The following DAG1 variants were observed in gnomAD, a reference collection of about 807,000 sequenced individuals.
DAG1 encodes the protein dystroglycan 1, also known as dystroglycan 1 (dystrophin-associated glycoprotein 1).
A neutral mutation model predicts 46.1 loss-of-function variants in DAG1; 8 were observed. The observed-to-expected ratio is 0.17, with a 90% confidence interval of 0.10 to 0.31. The LOEUF is 0.31. Ranked by LOEUF, DAG1 falls within the 10% of genes least tolerant of loss-of-function variation. DAG1 has a pLI of 1.00. For missense variants in DAG1, 1,003 were observed against 1,189.9 expected (o/e 0.84, Z 2.31); for synonymous variants, 495 against 481.8 (o/e 1.03, Z -0.36).
At chr3:49,506,528 A>T (rs534966771) in intron 1 of DAG1, among the ~76,000 whole-genome samples, 1 of 152,182 alleles carries the variant, frequency 6.6e-6, no homozygotes, top group South Asian at 2.1e-4. Flanking sequence ...ATTTTGTCAG[A>T]CACTTTCTCT....
rs1404811188 is a variant in DAG1 at position 49,531,481 on chromosome 3, A to G, written c.970A>G (p.Ile324Val). The G allele has an allele frequency of 1.9e-6, 3 of 1,613,710 alleles. No individual in the cohort carries two copies. Among genetic ancestry groups the G allele is most frequent in the Non-Finnish European group, 2.5e-6 (3 of 1,179,832 alleles). Residue 324 changes from isoleucine (I) to valine (V), a missense_variant, in exon 3 of 3, where the codon ATT becomes GTT. Ile to Val is a conservative substitution (Grantham distance 29). This residue lies in a region of DAG1 where 755 missense variants were observed against 854.1 expected (regional missense o/e 0.88). Transcript: ENST00000308775. The surrounding 1 kb of genome is among the most constrained non-coding windows in gnomAD (Gnocchi z 7.0). ...TGCTACACCCACACCTGTCACTGCC[A>G]TTGGGCCCCCAACCACGGCTATCCA... ...IHATPTPVTA[I>V]GPPTTAIQEP...
At chr3:49,475,974 C>T (rs2049673323) in intron 1 of DAG1, among the ~76,000 whole-genome samples, 2 of 151,960 alleles carry the variant, frequency 1.3e-5, no homozygotes, top group Non-Finnish European at 2.9e-5. Flanking sequence ...CTTGGCCTCC[C>T]AAGGTGCTGG....
intron 1 of DAG1, among the ~76,000 whole-genome samples, chr3:49,502,083 G>A (rs549895360): frequency 6.8e-4 from 104 of 152,268 alleles, no homozygotes; most frequent in Admixed American, 2.4e-3. Flanking sequence ...CTGATAGGAG[G>A]TTTTCTTGAG....
At chr3:49,527,456 A>AGCTTGCAGTGAGCCGGG (rs1471522181) in intron 2 of DAG1, among the ~76,000 whole-genome samples, 1 of 150,212 alleles carries the variant, frequency 6.7e-6, no homozygotes, top group Non-Finnish European at 1.5e-5. Context: ...CGGGAGGCGG[A>AGCTTGCAGTGAGCCGGG]GCTTGCAGTG....
intron 2 of DAG1, among the ~76,000 whole-genome samples, chr3:49,529,580 C>T (rs2051286258): frequency 2.0e-5 from 3 of 152,108 alleles, no homozygotes; most frequent in Admixed American, 1.3e-4. Context: ...TTTAGGGTCC[C>T]CCTATTGATA....
chr3:49,496,933 T>C (rs1258192325), intron 1 of DAG1, among the ~76,000 whole-genome samples: 1 of 152,026 alleles, frequency 6.6e-6, no homozygotes, highest in Non-Finnish European at 1.5e-5. Flanking sequence ...CCTAAATTTT[T>C]TTTTGTAGAG....
At chr3:49,483,431 C>G (rs1486283504) in intron 1 of DAG1, among the ~76,000 whole-genome samples, 1 of 152,006 alleles carries the variant, frequency 6.6e-6, no homozygotes, top group African/African-American at 2.4e-5. Flanking sequence ...TCTCAAACTG[C>G]GACCTCAGAT....
chr3:49,485,300 C>T (rs1290284461), intron 1 of DAG1, among the ~76,000 whole-genome samples: 1 of 152,190 alleles, frequency 6.6e-6, no homozygotes, highest in Non-Finnish European at 1.5e-5. Flanking sequence ...TTCTGTCGCC[C>T]AGGCTGGAGT....
intron 2 of DAG1, among the ~76,000 whole-genome samples, chr3:49,524,649 C>T (rs1426808484): frequency 6.6e-6 from 1 of 151,300 alleles, no homozygotes; most frequent in African/African-American, 2.4e-5. Flanking sequence ...CCACTGCACT[C>T]CAGTCTGGTG....
At chr3:49,521,943 G>A (rs1247984633) in intron 2 of DAG1, among the ~76,000 whole-genome samples, 4 of 152,038 alleles carry the variant, frequency 2.6e-5, no homozygotes, top group African/African-American at 9.7e-5. Context: ...TCCACCTCCC[G>A]GGTTCAAGCA....
Position 49,533,059 on chromosome 3 carries a change from T to C in DAG1, c.2548T>C (p.Tyr850His). 6.2e-7 allele frequency: 1 copy of C among 1,613,064 alleles called. No individual in the cohort carries two copies. The highest frequency in any genetic ancestry group is 8.5e-7 in the Non-Finnish European group (1 of 1,179,810). The change falls in exon 3 of 3, where the codon TAC becomes CAC. Residue 850 changes from tyrosine (Y) to histidine (H), a missense_variant. Physicochemically the swap from Tyr to His is moderately conservative, Grantham distance 83 (BLOSUM62 2). Around this residue, in one of 3 missense-constraint regions of DAG1, gnomAD observed 755 missense variants for 854.1 expected, o/e 0.88. Coordinates refer to ENST00000308775, the MANE Select transcript of DAG1 (RefSeq NM_004393.6). ...TPLNQDTMGE[Y>H]TPLRDEDPNA... ...TCTGAACCAGGACACCATGGGAGAG[T>C]ACACGCCCCTGCGGGATGAGGATCC...
Position 49,531,798 on chromosome 3 carries a change from A to G in DAG1, c.1287A>G (p.Val429=), listed in dbSNP as rs200282503. 93 of 1,613,748 alleles carry G rather than the reference A, an allele frequency of 5.8e-5. No individual in the cohort carries two copies. Among genetic ancestry groups the G allele is most frequent in the Middle Eastern group, 4.9e-4 (3 of 6,084 alleles). Residue 429 remains valine, a synonymous_variant, in exon 3 of 3, where the codon GTA becomes GTG. Coordinates refer to ENST00000308775, the MANE Select transcript of DAG1 (RefSeq NM_004393.6). This position sits in a 1 kb window ranked among gnomAD's most constrained non-coding sequence, Gnocchi z 7.0. ...CAACCACCACCAAGAAGCCACGAGT[A>G]TCCACACCAAAACCAGCAACGCCTT... ...PPTTTTKKPR[V]STPKPATPST... is the part of the protein sequence containing the mutation.
chr3:49,490,914 C>G (rs1249241012), intron 1 of DAG1, among the ~76,000 whole-genome samples: 3 of 125,670 alleles, frequency 2.4e-5, no homozygotes, highest in African/African-American at 9.2e-5. Context: ...GAGACGGAGT[C>G]TCACTCTGTT....
chr3:49,487,508 C>G (rs199830382), intron 1 of DAG1: 1 of 152,156 alleles, frequency 6.6e-6, no homozygotes, highest in East Asian at 1.9e-4. Flanking sequence ...TCTCTAGCTT[C>G]CCTCTTCTGC....
In DAG1 at chr3:49,476,183, A is replaced by G. The variant is rs1275685838; in HGVS notation, c.-117+5750A>G. On this transcript the variant is annotated intron_variant, in intron 1 of 2. Coordinates refer to ENST00000308775, the MANE Select transcript of DAG1 (RefSeq NM_004393.6). ...CTTTAGCAGTATGTTGACTTAATTT[A>G]TATTTATGTTTTAAAAGCAGGATTC... 2.0e-4 allele frequency among the ~76,000 whole-genome samples: 30 copies of G among 152,170 alleles called. 1 individual carries two copies. The highest frequency in any genetic ancestry group is 2.0e-3 in the Admixed American group (30 of 15,270).
intron 2 of DAG1, among the ~76,000 whole-genome samples, chr3:49,511,518 A>C (rs1363649323): frequency 6.6e-6 from 1 of 152,178 alleles, no homozygotes; most frequent in Non-Finnish European, 1.5e-5. Flanking sequence ...CCCTCAAGTT[A>C]TGAACATCTT....
intron 1 of DAG1, among the ~76,000 whole-genome samples, chr3:49,477,285 C>T (rs1422161771): frequency 6.6e-6 from 1 of 151,844 alleles, no homozygotes; most frequent in Non-Finnish European, 1.5e-5. Flanking sequence ...GGGTGAGCCA[C>T]CGCTGCCCAG....
At chr3:49,479,932 G>A (rs1472105355) in intron 1 of DAG1, among the ~76,000 whole-genome samples, 2 of 144,090 alleles carry the variant, frequency 1.4e-5, no homozygotes, top group African/African-American at 2.6e-5. Context: ...GAGCCCCCGC[G>A]CCAGCCTGAA....
intron 2 of DAG1, among the ~76,000 whole-genome samples, chr3:49,516,342 G>T (rs1037429872): frequency 6.6e-6 from 1 of 152,256 alleles, no homozygotes; most frequent in Non-Finnish European, 1.5e-5. Flanking sequence ...GTCAAAGCCT[G>T]CCTTGCTGTA....
Sources: allele counts gnomAD v4.1 joint callset (sites outside exome capture counted in the v4.1 genomes callset), GRCh38; gene constraint gnomAD v4.1.1; regional missense constraint gnomAD v4.1.1; non-coding constraint Gnocchi (gnomAD v3.1); transcripts MANE v1.5; gene names NCBI Gene and HGNC (gene_info 2026-07-23, HGNC 2026-07-21).